KDM6A: variants seen among roughly 807,000 people sequenced by gnomAD.
KDM6A encodes the protein lysine-specific demethylase 6A.
KDM6A carries 11 observed loss-of-function variants against 117.6 expected under a neutral mutation model. That is an observed-to-expected ratio of 0.09 (90% CI 0.06 to 0.15). The LOEUF (loss-of-function observed/expected upper bound fraction) is 0.15, where lower values mean the gene tolerates loss of function less well. Among genes scored for constraint, KDM6A ranks in the 10% least tolerant of loss-of-function variants. KDM6A has a pLI of 1.00. For synonymous variants in KDM6A, 384 were observed against 396.1 expected, an observed-to-expected ratio of 0.97 and a Z score of 0.36; for missense variants, 799 against 1,077.3, an observed-to-expected ratio of 0.74 and a Z score of 3.62.
chrX:44,900,723 C>T (rs896015717), intron 2 of KDM6A, among the ~76,000 whole-genome samples: 1 of 110,549 alleles, frequency 9.0e-6, no homozygotes, highest in African/African-American at 3.3e-5. Context: ...ACAGTGAAAC[C>T]CCATCTCTAC....
chrX:44,988,722 C>T (rs764993141), intron 4 of KDM6A, among the ~76,000 whole-genome samples: 5 of 111,060 alleles, frequency 4.5e-5, no homozygotes, highest in African/African-American at 1.6e-4. Flanking sequence ...TGCAGAACAG[C>T]GGATATTGGT....
intron 27 of KDM6A, among the ~76,000 whole-genome samples, chrX:45,091,500 A>G (rs1162140895): frequency 1.8e-5 from 2 of 111,718 alleles, no homozygotes; most frequent in African/African-American, 6.5e-5. Context: ...TTCCACTACT[A>G]GCTCTGTCCC....
At chrX:44,938,081 T>C (rs1411372422) in intron 2 of KDM6A, among the ~76,000 whole-genome samples, 1 of 111,642 alleles carries the variant, frequency 9.0e-6, no homozygotes, top group Non-Finnish European at 1.9e-5. Flanking sequence ...GCTCAAGCCA[T>C]CTTCCTACCT....
At chrX:45,098,521 T>C (rs1281367471) in intron 27 of KDM6A, among the ~76,000 whole-genome samples, 1 of 112,482 alleles carries the variant, frequency 8.9e-6, no homozygotes, top group Non-Finnish European at 1.9e-5. Context: ...AAAGAAGAAA[T>C]GAGTTGGGTG....
At chrX:44,941,548 T>A (rs1217348305) in intron 2 of KDM6A, among the ~76,000 whole-genome samples, 8 of 106,109 alleles carry the variant, frequency 7.5e-5, no homozygotes, top group Non-Finnish European at 1.2e-4. Flanking sequence ...TGGCACGATC[T>A]CGGCTCACTG....
At chrX:44,951,228 AG>A (rs1239454897) in intron 2 of KDM6A, among the ~76,000 whole-genome samples, 2 of 111,661 alleles carry the variant, frequency 1.8e-5, no homozygotes, top group Non-Finnish European at 3.8e-5. Context: ...CCTTTGTTCG[AG>A]TGTTCAATTT....
intron 2 of KDM6A, among the ~76,000 whole-genome samples, chrX:44,893,091 G>A (rs2033523120): frequency 9.2e-6 from 1 of 108,720 alleles, no homozygotes; most frequent in Non-Finnish European, 1.9e-5. Context: ...AGGAGAATTG[G>A]TTGAACCTGG....
At chrX:44,995,039 T>C (rs2040799146) in intron 4 of KDM6A, among the ~76,000 whole-genome samples, 1 of 112,133 alleles carries the variant, frequency 8.9e-6, no homozygotes, top group Non-Finnish European at 1.9e-5. Context: ...TTTGAAATTT[T>C]GATTTCAATT....
intron 6 of KDM6A, among the ~76,000 whole-genome samples, chrX:45,033,021 A>G (rs778691423): frequency 6.6e-4 from 74 of 112,252 alleles, no homozygotes; most frequent in African/African-American, 2.4e-3. Context: ...TAGTAAAACT[A>G]AAATATTGCC....
intron 2 of KDM6A, among the ~76,000 whole-genome samples, chrX:44,927,481 C>T (rs2036375412): frequency 9.0e-6 from 1 of 110,853 alleles, no homozygotes; most frequent in Non-Finnish European, 1.9e-5. Context: ...GGGAATGGAA[C>T]AGCCATAGTA....
intron 5 of KDM6A, 71 bp downstream of exon 5, chrX:45,011,090 T>C: frequency 1.3e-6 from 1 of 791,842 alleles, no homozygotes; most frequent in Non-Finnish European, 1.9e-6. Context: ...TGTTTGTGCT[T>C]GATTTTTTGT....
intron 2 of KDM6A, among the ~76,000 whole-genome samples, chrX:44,894,008 T>C (rs762383874): frequency 6.2e-5 from 7 of 112,160 alleles, no homozygotes; most frequent in Admixed American, 1.9e-4. Context: ...CATATACTTC[T>C]TTGTGTACAT....
At chrX:44,910,247 C>T (rs905049131) in intron 2 of KDM6A, among the ~76,000 whole-genome samples, 2 of 111,844 alleles carry the variant, frequency 1.8e-5, no homozygotes, top group South Asian at 3.7e-4. Flanking sequence ...AGTGCAGTGG[C>T]GTGATCTTGG....
intron 2 of KDM6A, among the ~76,000 whole-genome samples, chrX:44,890,529 C>T (rs1476032231): frequency 9.1e-6 from 1 of 110,486 alleles, no homozygotes; most frequent in Non-Finnish European, 1.9e-5. Flanking sequence ...TTCACTGCAT[C>T]CTTGCCAGCA....
At chrX:45,104,235 G>C (rs1235793161) in intron 27 of KDM6A, among the ~76,000 whole-genome samples, 2 of 111,728 alleles carry the variant, frequency 1.8e-5, no homozygotes, top group Admixed American at 9.4e-5. Flanking sequence ...TGTTGGTCAG[G>C]CTGGTCTCAA....
intron 6 of KDM6A, among the ~76,000 whole-genome samples, chrX:45,027,520 C>T (rs930209812): frequency 1.3e-4 from 15 of 111,530 alleles, no homozygotes; most frequent in Admixed American, 4.8e-4. Context: ...TGGAGGAAGG[C>T]ATCTCACTCA....
intron 4 of KDM6A, among the ~76,000 whole-genome samples, chrX:44,976,987 C>G (rs2039645210): frequency 1.8e-5 from 2 of 111,546 alleles, no homozygotes; most frequent in South Asian, 7.5e-4. Flanking sequence ...TCCTACTCAG[C>G]ACTTTTAATT....
intron 2 of KDM6A, among the ~76,000 whole-genome samples, chrX:44,949,788 T>C (rs897703337): frequency 8.9e-6 from 1 of 112,040 alleles, no homozygotes; most frequent in Non-Finnish European, 1.9e-5. Flanking sequence ...GGGTACAGCA[T>C]GCAGAATAAT....
chrX:45,071,928 C>T (rs973765066), intron 18 of KDM6A, among the ~76,000 whole-genome samples: 1 of 110,872 alleles, frequency 9.0e-6, no homozygotes, highest in African/African-American at 3.3e-5. Flanking sequence ...GCATGCAGCA[C>T]CACACCTGGC....
Sources: allele counts gnomAD v4.1 joint callset (sites outside exome capture counted in the v4.1 genomes callset), GRCh38; gene constraint gnomAD v4.1.1; transcripts MANE v1.5; gene names NCBI Gene and HGNC (gene_info 2026-07-23, HGNC 2026-07-21).